The following LRRTM3 variants were observed in gnomAD, a reference collection of about 807,000 sequenced individuals.
The protein encoded by LRRTM3 is leucine-rich repeat transmembrane neuronal protein 3.
Under a neutral mutation model 44.7 loss-of-function variants are expected in LRRTM3, and 24 were observed. The observed-to-expected ratio is 0.54, with a 90% CI of 0.39 to 0.76. LRRTM3 has a LOEUF of 0.76. LRRTM3 is among the 30% of genes least tolerant of loss of function. The probability of loss-of-function intolerance (pLI) is 0.00; values close to 1 mark genes in which losing one functional copy is unlikely to be tolerated. For synonymous variants in LRRTM3, 277 were observed against 278.7 expected (o/e 0.99, Z 0.06); for missense variants, 587 against 702.2 (o/e 0.84, Z 1.85).
chr10:67,031,414 C>T (rs1412632711), intron 2 of LRRTM3, among the ~76,000 whole-genome samples: 1 of 152,146 alleles, frequency 6.6e-6, no homozygotes, highest in Non-Finnish European at 1.5e-5. Flanking sequence ...TACATTATCC[C>T]TTTCTACTAT....
intron 2 of LRRTM3, among the ~76,000 whole-genome samples, chr10:66,942,636 CT>C (rs1848066555): frequency 1.3e-5 from 2 of 150,972 alleles, no homozygotes; most frequent in African/African-American, 4.9e-5. Flanking sequence ...CTCTCTTTCC[CT>C]TTTTTCTCCT....
At chr10:67,011,197 C>T (rs1852309037) in intron 2 of LRRTM3, among the ~76,000 whole-genome samples, 3 of 151,908 alleles carry the variant, frequency 2.0e-5, no homozygotes, top group South Asian at 2.1e-4. Context: ...ATAAATTAGC[C>T]GGGTGTGGTG....
chr10:66,960,073 A>G (rs1357058376), intron 2 of LRRTM3, among the ~76,000 whole-genome samples: 1 of 151,540 alleles, frequency 6.6e-6, no homozygotes, highest in Non-Finnish European at 1.5e-5. Flanking sequence ...GCTATTTGAA[A>G]TTTTTTTTTC....
intron 2 of LRRTM3, among the ~76,000 whole-genome samples, chr10:66,978,541 A>ATAAAATAAAAAT (rs1437563245): frequency 1.3e-4 from 15 of 111,166 alleles, no homozygotes; most frequent in South Asian, 3.2e-4. Context: ...AAAAAAAAAA[A>ATAAAATAAAAAT]AAAAAAAAAA....
intron 2 of LRRTM3, among the ~76,000 whole-genome samples, chr10:67,080,142 G>A (rs918159431): frequency 5.3e-5 from 8 of 152,100 alleles, no homozygotes; most frequent in East Asian, 3.9e-4. Flanking sequence ...CTTGTATTTC[G>A]TTAAAAAATT....
chr10:67,088,179 C>T (rs1857418226), intron 2 of LRRTM3, among the ~76,000 whole-genome samples: 1 of 151,178 alleles, frequency 6.6e-6, no homozygotes. Flanking sequence ...AATCCTCTGT[C>T]TTCTGCTTGC....
At chr10:66,939,840 T>C (rs1384834635) in intron 2 of LRRTM3, among the ~76,000 whole-genome samples, 1 of 152,222 alleles carries the variant, frequency 6.6e-6, no homozygotes, top group Non-Finnish European at 1.5e-5. Flanking sequence ...ACCTTCTATT[T>C]GAAATTCCAA....
intron 2 of LRRTM3, among the ~76,000 whole-genome samples, chr10:67,083,395 A>C (rs1413389353): frequency 6.6e-6 from 1 of 151,908 alleles, no homozygotes; most frequent in South Asian, 2.1e-4. Context: ...AATTTGTCTC[A>C]GTGCAAAAAA....
chr10:67,096,325 CG>C (rs1857990823), intron 2 of LRRTM3, among the ~76,000 whole-genome samples: 1 of 151,558 alleles, frequency 6.6e-6, no homozygotes, highest in South Asian at 2.1e-4. Flanking sequence ...GTGGCAAAGA[CG>C]GTTCTAATGC....
At chr10:67,092,423 G>A (rs531600263) in intron 2 of LRRTM3, among the ~76,000 whole-genome samples, 1 of 152,008 alleles carries the variant, frequency 6.6e-6, no homozygotes, top group African/African-American at 2.4e-5. Context: ...AAAGAAGACT[G>A]TCATTTTCTG....
At chr10:66,949,946 GTCACT>G (rs1848452792) in intron 2 of LRRTM3, among the ~76,000 whole-genome samples, 1 of 152,144 alleles carries the variant, frequency 6.6e-6, no homozygotes, top group African/African-American at 2.4e-5. Context: ...TAGAAAACTT[GTCACT>G]TCACAGCTCA....
chr10:67,087,168 C>T (rs1857354771), intron 2 of LRRTM3, among the ~76,000 whole-genome samples: 1 of 152,010 alleles, frequency 6.6e-6, no homozygotes, highest in African/African-American at 2.4e-5. Flanking sequence ...AATGAACACA[C>T]TTTGGGGCAT....
intron 2 of LRRTM3, among the ~76,000 whole-genome samples, chr10:67,052,318 C>T (rs1855153385): frequency 1.9e-5 from 1 of 51,766 alleles, no homozygotes; most frequent in African/African-American, 4.1e-5. Flanking sequence ...TCATCACTCT[C>T]TCTCTCTCTC....
chr10:67,060,743 T>C (rs1161248974), intron 2 of LRRTM3, among the ~76,000 whole-genome samples: 3 of 152,192 alleles, frequency 2.0e-5, no homozygotes, highest in African/African-American at 7.2e-5. Context: ...GCTAGAAAAC[T>C]GTGGTGCCTC....
At chr10:67,071,182 C>T (rs1378788334) in intron 2 of LRRTM3, among the ~76,000 whole-genome samples, 1 of 152,122 alleles carries the variant, frequency 6.6e-6, no homozygotes, top group Non-Finnish European at 1.5e-5. Flanking sequence ...AATGCATTTA[C>T]ACTCTCCAGC....
At chr10:67,012,028 G>A (rs951083765) in intron 2 of LRRTM3, among the ~76,000 whole-genome samples, 23 of 152,068 alleles carry the variant, frequency 1.5e-4, no homozygotes, top group Admixed American at 4.6e-4. Context: ...TAATATATGA[G>A]GAAACAGAAA....
chr10:67,007,481 T>A (rs541790436), intron 2 of LRRTM3, among the ~76,000 whole-genome samples: 1 of 152,170 alleles, frequency 6.6e-6, no homozygotes, highest in South Asian at 2.1e-4. Context: ...GATAAAATAT[T>A]TGACAAGCAG....
At chr10:66,978,541 A>ATAAAAAAAAAATAAAAAAAAT (rs1437563245) in intron 2 of LRRTM3, among the ~76,000 whole-genome samples, 8 of 111,194 alleles carry the variant, frequency 7.2e-5, no homozygotes, top group Non-Finnish European at 7.4e-5. Context: ...AAAAAAAAAA[A>ATAAAAAAAAAATAAAAAAAAT]AAAAAAAAAA....
At chr10:66,973,439 T>C (rs1460184384) in intron 2 of LRRTM3, among the ~76,000 whole-genome samples, 1 of 152,208 alleles carries the variant, frequency 6.6e-6, no homozygotes, top group Non-Finnish European at 1.5e-5. Flanking sequence ...AAAGTATCTG[T>C]AAGCTTAGAA....
Sources: allele counts gnomAD v4.1 joint callset (sites outside exome capture counted in the v4.1 genomes callset), GRCh38; gene constraint gnomAD v4.1.1; transcripts MANE v1.5; gene names NCBI Gene and HGNC (gene_info 2026-07-23, HGNC 2026-07-21).